BRD9: variants seen among roughly 807,000 people sequenced by gnomAD.
BRD9 encodes the protein bromodomain-containing protein 9.
A neutral mutation model predicts 68.7 loss-of-function variants in BRD9; 47 were observed. That is an observed-to-expected ratio of 0.68 (90% CI 0.54 to 0.87). BRD9 has a LOEUF of 0.87. Ranked by LOEUF, BRD9 falls within the 40% of genes least tolerant of loss-of-function variation. The pLI, the probability that BRD9 is intolerant of heterozygous loss-of-function variation, is 0.00. For synonymous variants in BRD9, 313 were observed against 293.9 expected (o/e 1.06, Z -0.67); for missense variants, 670 against 748.4 (o/e 0.90, Z 1.22).
In BRD9 at chr5:878,352, T is replaced by C; in HGVS notation, c.1271+3A>G. The C allele has an allele frequency of 6.2e-7, 1 of 1,613,690 alleles. No individual in the cohort carries two copies. The highest frequency in any genetic ancestry group is 8.5e-7 in the Non-Finnish European group (1 of 1,180,026). The stretch of plus-strand genomic sequence containing the variant: ...CCAAGGGCTCCCCGGGGCCGACACT[T>C]GCCTCAGCGCACACTGCACGCCTGT... On this transcript the variant is annotated splice_donor_region_variant and intron_variant, in intron 11 of 15. Transcript: ENST00000467963.
At chr5:883,059 C>A (rs1268033864) in intron 8 of BRD9, 12 of 351,874 alleles carry the variant, frequency 3.4e-5, no homozygotes, top group South Asian at 2.6e-4. Context: ...AACTTCCCAA[C>A]ACGTGAGCCA....
At chr5:880,948 C>G (rs1393478907) in intron 9 of BRD9, among the ~76,000 whole-genome samples, 159 bp downstream of exon 9, 2 of 152,264 alleles carry the variant, frequency 1.3e-5, no homozygotes, top group Admixed American at 6.5e-5. Context: ...CACCTCCACT[C>G]AGCGCACGTG....
intron 5 of BRD9, 47 bp downstream of exon 5, chr5:888,974 T>C (rs751601582): frequency 5.1e-6 from 8 of 1,569,522 alleles, no homozygotes; most frequent in Non-Finnish European, 6.9e-6. Flanking sequence ...AAGACATGAA[T>C]ACACAGAACT....
At chr5:886,532 T>A in intron 7 of BRD9, 60 bp downstream of exon 7, 2 of 1,492,460 alleles carry the variant, frequency 1.3e-6, no homozygotes, top group Non-Finnish European at 9.2e-7. Flanking sequence ...ACAAGGCACC[T>A]GCTTTCCTGG....
chr5:886,911 T>C (rs1752653553), intron 6 of BRD9: 1 of 907,904 alleles, frequency 1.1e-6, no homozygotes, highest in East Asian at 2.8e-5. Context: ...GAGGTGGTTG[T>C]GGGGGCTTGA....
At chr5:891,532 C>T in intron 2 of BRD9, 108 bp downstream of exon 2, 1 of 1,463,292 alleles carries the variant, frequency 6.8e-7, no homozygotes, top group Non-Finnish European at 9.0e-7. Flanking sequence ...AACGGAACAC[C>T]CCCTCCCCTC....
In BRD9 at chr5:891,697, C is replaced by T. The variant is rs1402327801; in HGVS notation, c.210G>A (p.Lys70=). ...RERHKEKKKK[K]KKKSEKEKHL... ...GCTTCTCCTTCTCGGACTTCTTCTT[C>T]TTCTTCTTTTTCTTTTCTTTGTGCC... is the stretch of plus-strand genomic sequence containing the variant. The change falls in exon 2 of 16, where the codon AAG becomes AAA. Residue 70 remains lysine (K), a synonymous_variant. Coordinates refer to ENST00000467963, the MANE Select transcript of BRD9 (RefSeq NM_023924.5). 3 of 1,551,652 alleles carry T rather than the reference C, an allele frequency of 1.9e-6. No homozygotes were observed. The highest frequency in any genetic ancestry group is 1.7e-6 in the Non-Finnish European group (2 of 1,147,024).
intron 1 of BRD9, 116 bp downstream of exon 1, chr5:892,490 C>A: frequency 6.8e-7 from 1 of 1,466,942 alleles, no homozygotes; most frequent in Non-Finnish European, 9.0e-7. Context: ...GCCCAGAACC[C>A]CTCCCTCGTG....
At chr5:867,744 C>T (rs1043146029) in intron 14 of BRD9, among the ~76,000 whole-genome samples, 2 of 152,238 alleles carry the variant, frequency 1.3e-5, no homozygotes, top group Non-Finnish European at 2.9e-5. Context: ...AATGTCTGTA[C>T]CCGATTTGTA....
At chr5:881,480 T>C (rs1312575514) in intron 8 of BRD9, 6 of 460,924 alleles carry the variant, frequency 1.3e-5, no homozygotes, top group South Asian at 2.3e-5. Flanking sequence ...CTTGACAAAA[T>C]GGAACGGTCA....
chr5:888,508 T>C (rs1413849929), intron 5 of BRD9: 1 of 152,324 alleles, frequency 6.6e-6, no homozygotes, highest in Non-Finnish European at 1.5e-5. Flanking sequence ...GCCAACTTTA[T>C]CAAGCATTTG....
intron 11 of BRD9, among the ~76,000 whole-genome samples, chr5:877,895 C>T (rs1169286583): frequency 1.3e-5 from 2 of 152,088 alleles, no homozygotes; most frequent in East Asian, 1.9e-4. Flanking sequence ...CACAGACACA[C>T]GCAGGATGGC....
At chr5:874,381 C>A (rs772871444) in intron 12 of BRD9, among the ~76,000 whole-genome samples, 1 of 152,210 alleles carries the variant, frequency 6.6e-6, no homozygotes, top group Non-Finnish European at 1.5e-5. Context: ...GAAATCGTTA[C>A]TCATATTTTT....
intron 11 of BRD9, among the ~76,000 whole-genome samples, chr5:877,042 G>T (rs1255748601): frequency 1.3e-5 from 2 of 152,238 alleles, no homozygotes; most frequent in African/African-American, 4.8e-5. Flanking sequence ...GCAGCCACAA[G>T]GCAGGCGGGG....
At chr5:889,547 C>G (rs750085430) in intron 4 of BRD9, 40 bp downstream of exon 4, 1 of 1,593,304 alleles carries the variant, frequency 6.3e-7, no homozygotes, top group Admixed American at 1.7e-5. Context: ...TGACACCACA[C>G]CCCCCCAGAC....
intron 15 of BRD9, 100 bp downstream of exon 15, chr5:865,314 C>T: frequency 7.0e-7 from 1 of 1,422,634 alleles, no homozygotes; most frequent in Non-Finnish European, 9.3e-7. Flanking sequence ...ATGCAGCCTC[C>T]AGCCTTCCCA....
rs990212782 is a variant in BRD9, at chr5:864,195, T to C, written c.*273A>G. On this transcript the variant is annotated 3_prime_UTR_variant, in exon 16 of 16. Coordinates refer to ENST00000467963, the MANE Select transcript of BRD9 (RefSeq NM_023924.5). The stretch of plus-strand genomic sequence containing the variant: ...ACGATGGCCACACGCCCTTCGTGTA[T>C]GACTCCACTCCTCAGGGTTCACGGG... The C allele has an allele frequency of 3.5e-6, 1 of 283,316 alleles. No individual in the cohort carries two copies. The highest frequency in any genetic ancestry group is 4.5e-5 in the South Asian group (1 of 22,122). The allele number at this position is 283,316 out of a possible 1,614,324, so 17.6% of individuals were successfully genotyped here. A position where few individuals can be genotyped will look rare whatever the true frequency, so the allele number is the denominator to read the frequency against.
At chr5:872,196 C>T (rs1050169448) in intron 12 of BRD9, among the ~76,000 whole-genome samples, 5 of 152,262 alleles carry the variant, frequency 3.3e-5, no homozygotes, top group South Asian at 2.1e-4. Context: ...GTAGTATATG[C>T]ACTCTATCAT....
intron 11 of BRD9, 84 bp from the exon 12 acceptor site, chr5:876,296 G>GT (rs746308217): frequency 4.5e-5 from 46 of 1,025,372 alleles, no homozygotes; most frequent in Non-Finnish European, 6.3e-5. Flanking sequence ...GAAGCCTGCC[G>GT]TGCCAGCGCA....
Sources: gnomAD v4.1 joint callset for allele counts (sites outside exome capture counted in the v4.1 genomes callset) on GRCh38, gnomAD v4.1.1 for gene constraint, MANE v1.5 for transcripts, NCBI Gene and HGNC (gene_info 2026-07-23, HGNC 2026-07-21) for gene names.